Variants in DMD observed in about 807,000 individuals in gnomAD.
DMD encodes mutant dystrophin.
DMD carries 63 observed loss-of-function variants against 330.1 expected under a neutral mutation model. The observed-to-expected ratio is 0.19, with a 90% CI of 0.16 to 0.24. DMD has a LOEUF of 0.24. Among genes scored for constraint, DMD ranks in the 10% least tolerant of loss-of-function variants. DMD has a pLI of 1.00. For missense variants in DMD, 3,344 were observed against 2,684.1 expected, an observed-to-expected ratio of 1.25 and a Z score of -5.43; for synonymous variants, 1,223 against 959.8, an observed-to-expected ratio of 1.27 and a Z score of -5.07.
At chrX:31,347,802 C>T (rs1247073504) in intron 61 of DMD, among the ~76,000 whole-genome samples, 5 of 112,480 alleles carry the variant, frequency 4.4e-5, no homozygotes, top group African/African-American at 1.3e-4. Flanking sequence ...TGAGAATCTT[C>T]ATACTGTTAC....
At chrX:32,707,103 A>G (rs1459443636) in intron 7 of DMD, among the ~76,000 whole-genome samples, 1 of 111,266 alleles carries the variant, frequency 9.0e-6, no homozygotes, top group Non-Finnish European at 1.9e-5. Context: ...GAGGGGGTAA[A>G]AAAAAATCTA....
At chrX:31,668,625 A>T (rs1447732518) in intron 53 of DMD, among the ~76,000 whole-genome samples, 1 of 111,356 alleles carries the variant, frequency 9.0e-6, no homozygotes, top group Admixed American at 9.6e-5. Flanking sequence ...GAACATTTAA[A>T]ATCTGTTATT....
At chrX:32,579,228 T>C (rs1356108460) in intron 13 of DMD, among the ~76,000 whole-genome samples, 1 of 112,076 alleles carries the variant, frequency 8.9e-6, no homozygotes, top group East Asian at 2.8e-4. Flanking sequence ...ACAGGGCGGA[T>C]AAACCTATTT....
At chrX:31,123,020 A>G (rs1414149956) in intron 78 of DMD, among the ~76,000 whole-genome samples, 2 of 108,859 alleles carry the variant, frequency 1.8e-5, no homozygotes, top group African/African-American at 6.8e-5. Flanking sequence ...CTACCTTGCC[A>G]TGTATCAACT....
At chrX:31,814,469 T>C (rs6631407) in intron 50 of DMD, among the ~76,000 whole-genome samples, 29,375 of 73,583 alleles carry the variant, frequency 0.4, 5,038 homozygotes, top group Middle Eastern at 0.54. Flanking sequence ...GGCGACAGAG[T>C]GAGACTCCGT....
chrX:33,316,271 C>T (rs932569166), intron 1 of DMD, among the ~76,000 whole-genome samples: 3 of 110,321 alleles, frequency 2.7e-5, no homozygotes, highest in African/African-American at 9.9e-5. Flanking sequence ...ATATCAATAT[C>T]TTTAAAGGGA....
At chrX:31,326,421 T>C (rs1485426800) in intron 61 of DMD, among the ~76,000 whole-genome samples, 1 of 110,786 alleles carries the variant, frequency 9.0e-6, no homozygotes, top group African/African-American at 3.3e-5. Flanking sequence ...AAAAAGCTTT[T>C]TGTCTTATGT....
intron 1 of DMD, among the ~76,000 whole-genome samples, chrX:33,201,969 G>A (rs1196287108): frequency 8.9e-6 from 1 of 112,206 alleles, no homozygotes; most frequent in Non-Finnish European, 1.9e-5. Context: ...GAGTGAGATA[G>A]TAATAAAATT....
chrX:31,774,513 T>C (rs1422707987), intron 50 of DMD, among the ~76,000 whole-genome samples: 2 of 111,587 alleles, frequency 1.8e-5, no homozygotes. Context: ...ATCATATACA[T>C]TGTGGAAGTG....
chrX:32,655,531 A>G (rs1486104545), intron 9 of DMD, among the ~76,000 whole-genome samples: 1 of 111,714 alleles, frequency 9.0e-6, no homozygotes, highest in Non-Finnish European at 1.9e-5. Flanking sequence ...GTTCTTTTAC[A>G]TTTGCTGAGG....
intron 55 of DMD, among the ~76,000 whole-genome samples, chrX:31,595,950 T>C (rs755482079): frequency 1.8e-5 from 2 of 111,145 alleles, no homozygotes; most frequent in South Asian, 7.5e-4. Context: ...TATCCTTTCA[T>C]GTTAAATTAA....
intron 43 of DMD, among the ~76,000 whole-genome samples, chrX:32,250,872 T>A (rs1019496676): frequency 1.2e-4 from 13 of 111,440 alleles, no homozygotes; most frequent in Admixed American, 1.9e-4. Flanking sequence ...TAAAACAGGA[T>A]GACTTCATGT....
intron 44 of DMD, among the ~76,000 whole-genome samples, chrX:32,117,940 G>A (rs774546008): frequency 9.8e-4 from 109 of 110,983 alleles, no homozygotes; most frequent in Non-Finnish European, 1.7e-3. Context: ...GAGGGCATGT[G>A]GAGCAACTGA....
chrX:33,082,889 C>T (rs1451901769), intron 1 of DMD, among the ~76,000 whole-genome samples: 1 of 112,308 alleles, frequency 8.9e-6, no homozygotes, highest in Non-Finnish European at 1.9e-5. Flanking sequence ...CGTTCTATCA[C>T]GTGATATCCC....
intron 1 of DMD, among the ~76,000 whole-genome samples, chrX:33,170,540 A>ATTGGGT (rs2049285083): frequency 9.0e-6 from 1 of 111,513 alleles, no homozygotes; most frequent in Non-Finnish European, 1.9e-5. Context: ...CATTACAAAT[A>ATTGGGT]ATGAGAAATG....
At chrX:32,124,931 A>G (rs1445163725) in intron 44 of DMD, among the ~76,000 whole-genome samples, 1 of 107,968 alleles carries the variant, frequency 9.3e-6, no homozygotes, top group Non-Finnish European at 1.9e-5. Flanking sequence ...GTGCAAAGGA[A>G]AAAGAGATTA....
At chrX:32,792,693 G>C (rs761164109) in intron 7 of DMD, among the ~76,000 whole-genome samples, 1 of 112,206 alleles carries the variant, frequency 8.9e-6, no homozygotes, top group East Asian at 2.8e-4. Context: ...CAGACTTTCA[G>C]TCAAAAACAG....
At chrX:32,024,280 C>T (rs1293873) in intron 44 of DMD, among the ~76,000 whole-genome samples, 38,951 of 108,676 alleles carry the variant, frequency 0.36, 7,328 homozygotes, top group African/African-American at 0.72. Flanking sequence ...AGCTGAGGAA[C>T]TCGAGACCAG....
Position 32,128,529 on chromosome X carries a change from A to G in DMD, c.6438+88387T>C, listed in dbSNP as rs182502518. ...ATTTACAATCTTCTGATAAATGCAAAGTACCAATTCCCTAAACATAGCGTT... is the reference window on the plus strand; with the variant it reads ...ATTTACAATCTTCTGATAAATGCAAGGTACCAATTCCCTAAACATAGCGTT... On this transcript the variant is annotated intron_variant, in intron 44 of 78. Coordinates refer to ENST00000357033, the MANE Select transcript of DMD (RefSeq NM_004006.3). 9.7e-4 allele frequency among the ~76,000 whole-genome samples: 109 copies of G among 112,326 alleles called. 1 individual carries two copies. The highest frequency in any genetic ancestry group is 1.8e-3 in the Non-Finnish European group (95 of 53,199).
Sources: allele counts gnomAD v4.1 joint callset (sites outside exome capture counted in the v4.1 genomes callset), GRCh38; gene constraint gnomAD v4.1.1; transcripts MANE v1.5; gene names NCBI Gene and HGNC (gene_info 2026-07-23, HGNC 2026-07-21).